Variants in ZFR observed in about 807,000 individuals in gnomAD.
The protein encoded by ZFR is zinc finger RNA-binding protein.
In ZFR, 19 loss-of-function variants were observed where a neutral mutation model predicts 130.7. The observed-to-expected ratio is 0.15, with a 90% CI of 0.10 to 0.21. ZFR has a LOEUF of 0.21. Ranked by LOEUF, ZFR falls within the 10% of genes least tolerant of loss-of-function variation. The pLI is 1.00. For synonymous variants in ZFR, 466 were observed against 456.9 expected (o/e 1.02, Z -0.25); for missense variants, 872 against 1,321.5 (o/e 0.66, Z 5.27).
chr5:32,376,766 C>T (rs764140734), intron 17 of ZFR, among the ~76,000 whole-genome samples: 1 of 152,116 alleles, frequency 6.6e-6, no homozygotes, highest in Admixed American at 6.6e-5. Flanking sequence ...GAGGGCAGAT[C>T]ACCCAAGGTT....
Position 32,419,890 on chromosome 5 carries a change from G to A in ZFR, c.351C>T (p.Asp117=), listed in dbSNP as rs1753913546. The A allele has an allele frequency of 6.2e-7, 1 of 1,613,782 alleles. No homozygotes were observed. Among genetic ancestry groups the A allele is most frequent in the Admixed American group, 1.7e-5 (1 of 59,984 alleles). ...GGYPTAHTAT[D]YGYTQRQQEA... Reference sequence around the variant, plus strand: ...CTTGTTGCCTCTGAGTATAACCATAGTCAGTTGCTGTGTGTGCAGTGGGGT... The same window carrying A: ...CTTGTTGCCTCTGAGTATAACCATAATCAGTTGCTGTGTGTGCAGTGGGGT... Residue 117 remains aspartate, a synonymous_variant, in exon 3 of 20, where the codon GAC becomes GAT. Transcript: ENST00000265069.
chr5:32,384,305 C>T (rs966405571), intron 15 of ZFR, among the ~76,000 whole-genome samples: 1 of 152,114 alleles, frequency 6.6e-6, no homozygotes, highest in Non-Finnish European at 1.5e-5. Context: ...TAGAAACTCA[C>T]GTTCACATAA....
chr5:32,364,309 T>C (rs1378535190), intron 17 of ZFR, 34 bp from the exon 18 acceptor site: 3 of 1,495,052 alleles, frequency 2.0e-6, no homozygotes, highest in Non-Finnish European at 2.7e-6. Context: ...GTTTAACAGC[T>C]TACCAAAGGA....
intron 9 of ZFR, among the ~76,000 whole-genome samples, chr5:32,399,456 A>G (rs574397149): frequency 5.9e-5 from 9 of 152,302 alleles, no homozygotes; most frequent in African/African-American, 2.2e-4. Flanking sequence ...AATAGTAGTC[A>G]TATGCCACTG....
At chr5:32,404,632 AC>A (rs1753538665) in intron 6 of ZFR, among the ~76,000 whole-genome samples, 1 of 152,250 alleles carries the variant, frequency 6.6e-6, no homozygotes, top group South Asian at 2.1e-4. Context: ...TATTTAAAAT[AC>A]ATGAGGGCCA....
chr5:32,436,140 C>CTTTTTTTTTTTTTT (rs370998112), intron 2 of ZFR, among the ~76,000 whole-genome samples: 2 of 91,796 alleles, frequency 2.2e-5, no homozygotes, highest in Non-Finnish European at 3.9e-5. Context: ...CAGTTGTATT[C>CTTTTTTTTTTTTTT]TTTTTTTTTT....
At chr5:32,419,712 T>G in intron 3 of ZFR, 109 bp downstream of exon 3, 1 of 1,480,902 alleles carries the variant, frequency 6.8e-7, no homozygotes, top group Non-Finnish European at 8.9e-7. Flanking sequence ...TCAGTACATG[T>G]GTATTTTGGA....
Position 32,403,324 on chromosome 5 carries a change from G to A in ZFR, c.1298C>T (p.Ser433Phe), listed in dbSNP as rs1283105893. ...CTTTGAAGCAGATACAGCTGTTGAA[G>A]AAGTAGCTTGGCTAACAACATTTGG... The part of the protein sequence containing the change: ...TEPNVVSQAT[S>F]STAVSASKPT... Residue 433 changes from serine (S) to phenylalanine (F), a missense_variant, in exon 8 of 20, where the codon TCT (serine) becomes TTT (phenylalanine). Around this residue, in one of 7 missense-constraint regions of ZFR, gnomAD observed 143 missense variants for 137.9 expected, o/e 1.04. Transcript: ENST00000265069. 6.2e-7 allele frequency: 1 copy of A among 1,614,206 alleles called. No homozygotes were observed.
intron 19 of ZFR, among the ~76,000 whole-genome samples, chr5:32,361,312 C>A (rs1309818973): frequency 6.6e-6 from 1 of 152,200 alleles, no homozygotes; most frequent in Non-Finnish European, 1.5e-5. Context: ...GTCTCAAAGT[C>A]ATCTGTAGTC....
At chr5:32,380,650 C>CTTTTTTTTTTTTTTTTTTTTTTTTTTT (rs55724344) in intron 15 of ZFR, among the ~76,000 whole-genome samples, 1 of 97,072 alleles carries the variant, frequency 1.0e-5, no homozygotes, top group Non-Finnish European at 2.0e-5. Context: ...ACAGGCATTT[C>CTTTTTTTTTTTTTTTTTTTTTTTTTTT]TTTTTTTTTT....
Position 32,387,042 on chromosome 5 carries a change from C to T in ZFR, c.2499+507G>A, listed in dbSNP as rs141459662. Among the ~76,000 whole-genome samples the T allele has an allele frequency of 7.9e-3, 1,195 of 151,940 alleles. 15 individuals are homozygous for T. The highest frequency in any genetic ancestry group is 0.027 in the African/African-American group (1,114 of 41,436). ...ATTGCCATGTTTTGCTGGATGGAGA[C>T]GAGAAGTATTTCCTACCATTATAAA... On this transcript the variant is annotated intron_variant, in intron 14 of 19. Transcript: ENST00000265069.
At position 32,397,475 on chromosome 5, in the gene ZFR, A is replaced by C. The variant is rs1295660173; in HGVS notation, c.1714-137T>G. Reference sequence around the variant, plus strand: ...CTATTACATTTTTTTTTTCCCCAGGACAGAGTCTTGCTCTGTCGCCCATGC... The same window carrying C: ...CTATTACATTTTTTTTTTCCCCAGGCCAGAGTCTTGCTCTGTCGCCCATGC... On this transcript the variant is annotated intron_variant, in intron 9 of 19. Coordinates refer to ENST00000265069, the MANE Select transcript of ZFR (RefSeq NM_016107.5). 7 of 1,133,352 alleles carry C rather than the reference A, an allele frequency of 6.2e-6. No homozygotes were observed. In the Admixed American group the frequency reaches 1.9e-4, roughly 31 times the overall value. 70.2% of individuals were successfully genotyped at this position (1,133,352 alleles called of 1,614,324 possible). A position where few individuals can be genotyped will look rare whatever the true frequency, so the allele number is the denominator to read the frequency against.
In ZFR at chr5:32,379,095, T is replaced by A. The variant is rs369238544; in HGVS notation, c.2835+20A>T. The A allele has an allele frequency of 1.3e-6, 2 of 1,566,324 alleles. No individual in the cohort carries two copies. Among genetic ancestry groups the A allele is most frequent in the Non-Finnish European group, 8.8e-7 (1 of 1,137,250 alleles). Reference sequence around the variant, plus strand: ...TTATTTCCTACATGTTTTTACACCATACAGTTACGTACTACTTACCCAGCT... The same window carrying A: ...TTATTTCCTACATGTTTTTACACCAAACAGTTACGTACTACTTACCCAGCT... On this transcript the variant is annotated intron_variant, in intron 17 of 19. Transcript: ENST00000265069.
intron 17 of ZFR, among the ~76,000 whole-genome samples, chr5:32,369,991 G>C (rs1752624980): frequency 6.6e-6 from 1 of 150,982 alleles, no homozygotes; most frequent in Admixed American, 6.6e-5. Context: ...ATATATTCTT[G>C]ATATTTCATA....
chr5:32,355,851 T>C lies in ZFR; in HGVS notation c.3134A>G (p.His1045Arg). Residue 1045 changes from histidine to arginine, a missense_variant, in exon 20 of 20, where the codon CAC becomes CGC. Physicochemically the swap from His to Arg is conservative, Grantham distance 29. Transcript: ENST00000265069. Reference protein sequence around the residue: ...LPQMSQRFNIHNNRKRRRDSD... With the variant: ...LPQMSQRFNIRNNRKRRRDSD... Reference sequence around the variant, plus strand: ...ATCTCTTCTTCGTTTCCTGTTGTTGTGGATGTTAAAACGTTGGCTCATTTG... The same window carrying C: ...ATCTCTTCTTCGTTTCCTGTTGTTGCGGATGTTAAAACGTTGGCTCATTTG... The C allele has an allele frequency of 6.2e-7, 1 of 1,612,204 alleles. No individual in the cohort carries two copies.
At chr5:32,425,088 T>G (rs1304662703) in intron 2 of ZFR, among the ~76,000 whole-genome samples, 1 of 152,184 alleles carries the variant, frequency 6.6e-6, no homozygotes, top group Non-Finnish European at 1.5e-5. Context: ...AGTCCTAAAC[T>G]GTGATTGTAG....
rs143085858 is a variant in ZFR, at chr5:32,354,666, T to G, written c.*1094A>C. 20 of 152,750 alleles carry G rather than the reference T, an allele frequency of 1.3e-4. No individual in the cohort carries two copies. Among genetic ancestry groups the G allele is most frequent in the South Asian group, 2.1e-4 (1 of 4,826 alleles). The allele number at this position is 152,750 out of a possible 1,614,324, so 9.5% of individuals were successfully genotyped here. ...TTTTATCAGTAATACTTTATCAACC[T>G]CACTGTTAACAGAACTGTAAATTAT... On this transcript the variant is annotated 3_prime_UTR_variant, in exon 20 of 20. Coordinates refer to ENST00000265069, the MANE Select transcript of ZFR (RefSeq NM_016107.5).
Position 32,355,707 on chromosome 5 carries a change from C to A in ZFR, c.*53G>T. ...TGTAGACATTATTATGAATGAAAAA[C>A]AGCCAACAAATGGGCATCTGTTTTT... On this transcript the variant is annotated 3_prime_UTR_variant, in exon 20 of 20. Coordinates refer to ENST00000265069, the MANE Select transcript of ZFR (RefSeq NM_016107.5). 1 of 1,451,786 alleles carries A rather than the reference C, an allele frequency of 6.9e-7. No homozygotes were observed. The highest frequency in any genetic ancestry group is 2.4e-5 in the East Asian group (1 of 41,206). The allele number at this position is 1,451,786 out of a possible 1,614,324, so 89.9% of individuals were successfully genotyped here. A position where few individuals can be genotyped will look rare whatever the true frequency, so the allele number is the denominator to read the frequency against.
At chr5:32,383,945 AT>A in intron 15 of ZFR, 1 of 336,534 alleles carries the variant, frequency 3.0e-6, no homozygotes, top group Non-Finnish European at 6.0e-6. Context: ...CATAATATTT[AT>A]GAAATTCAGA....
Sources: gnomAD v4.1 joint callset for allele counts (sites outside exome capture counted in the v4.1 genomes callset) on GRCh38, gnomAD v4.1.1 for gene constraint, gnomAD v4.1.1 regional missense constraint, MANE v1.5 for transcripts, NCBI Gene and HGNC (gene_info 2026-07-23, HGNC 2026-07-21) for gene names.